Variants in EIF3H observed in about 807,000 individuals in gnomAD.
EIF3H encodes eukaryotic translation initiation factor 3 subunit H.
EIF3H carries 26 observed loss-of-function variants against 44.2 expected under a neutral mutation model. The observed-to-expected ratio is 0.59, with a 90% CI of 0.43 to 0.82. EIF3H has a LOEUF of 0.82. Among genes scored for constraint, EIF3H ranks in the 40% least tolerant of loss-of-function variants. EIF3H has a pLI of 0.00. For synonymous variants in EIF3H, 166 were observed against 151.9 expected (o/e 1.09, Z -0.68); for missense variants, 359 against 432.8 (o/e 0.83, Z 1.51).
intron 2 of EIF3H, among the ~76,000 whole-genome samples, chr8:116,671,706 T>A (rs1044201278): frequency 6.6e-6 from 1 of 152,224 alleles, no homozygotes; most frequent in East Asian, 1.9e-4. Flanking sequence ...GTCAGCATTC[T>A]AGGGTCTACT....
intron 2 of EIF3H, among the ~76,000 whole-genome samples, chr8:116,675,111 C>A (rs151270049): frequency 1.3e-5 from 1 of 78,982 alleles, no homozygotes; most frequent in East Asian, 6.3e-4. Flanking sequence ...ATAAAAAAAT[C>A]TCTTTGTATT....
At chr8:116,715,889 T>C (rs1814652399) in intron 2 of EIF3H, among the ~76,000 whole-genome samples, 1 of 113,240 alleles carries the variant, frequency 8.8e-6, no homozygotes, top group Admixed American at 8.2e-5. Context: ...TATGAGTTTT[T>C]CTACTCTTTT....
chr8:116,728,677 C>A (rs1210974850), intron 1 of EIF3H, among the ~76,000 whole-genome samples: 1 of 152,062 alleles, frequency 6.6e-6, no homozygotes, highest in Non-Finnish European at 1.5e-5. Flanking sequence ...AGTGCACAAC[C>A]TACACATTCC....
At chr8:116,700,030 T>TGA (rs1814345864) in intron 2 of EIF3H, among the ~76,000 whole-genome samples, 1 of 152,218 alleles carries the variant, frequency 6.6e-6, no homozygotes, top group Admixed American at 6.5e-5. Context: ...GGTCTCAAAC[T>TGA]CCAGGCCTCA....
chr8:116,715,251 A>G (rs372404210), intron 2 of EIF3H, among the ~76,000 whole-genome samples: 2 of 152,092 alleles, frequency 1.3e-5, no homozygotes, highest in South Asian at 4.1e-4. Context: ...ATATGTTAAC[A>G]GTCGACACTA....
At chr8:116,742,760 A>C (rs973954728) in intron 1 of EIF3H, among the ~76,000 whole-genome samples, 5 of 152,218 alleles carry the variant, frequency 3.3e-5, no homozygotes, top group Non-Finnish European at 7.3e-5. Flanking sequence ...TAAAGCAACT[A>C]TGATTGCCTC....
chr8:116,649,449 TAC>T (rs912222717), intron 5 of EIF3H, among the ~76,000 whole-genome samples: 31 of 152,300 alleles, frequency 2.0e-4, no homozygotes, highest in Admixed American at 1.2e-3. Context: ...GAATCTGTAG[TAC>T]AGTCTTTCAT....
intron 1 of EIF3H, among the ~76,000 whole-genome samples, chr8:116,744,225 A>AC (rs546631401): frequency 1.7e-4 from 26 of 151,724 alleles, no homozygotes; most frequent in Non-Finnish European, 2.5e-4. Context: ...AAAAAAAAAA[A>AC]AAACAAACAG....
chr8:116,688,218 T>G (rs1814110907), intron 2 of EIF3H, among the ~76,000 whole-genome samples: 1 of 152,120 alleles, frequency 6.6e-6, no homozygotes, highest in Admixed American at 6.5e-5. Flanking sequence ...GCAATATGCT[T>G]GAAACACAGA....
At chr8:116,667,464 C>CA (rs36085143) in intron 2 of EIF3H, among the ~76,000 whole-genome samples, 103,940 of 138,636 alleles carry the variant, frequency 0.75, 38,762 homozygotes, top group Middle Eastern at 0.81. Flanking sequence ...TACAACTTCA[C>CA]AAAAAAAAAA....
At chr8:116,744,604 T>C (rs1048987976) in intron 1 of EIF3H, among the ~76,000 whole-genome samples, 2 of 152,236 alleles carry the variant, frequency 1.3e-5, no homozygotes, top group Non-Finnish European at 2.9e-5. Context: ...CTTTACTGCA[T>C]ATAGCCATTT....
At chr8:116,697,685 G>A (rs1814292561) in intron 2 of EIF3H, among the ~76,000 whole-genome samples, 1 of 152,134 alleles carries the variant, frequency 6.6e-6, no homozygotes, top group Non-Finnish European at 1.5e-5. Context: ...TCTTCCCTGA[G>A]GGCCTAAACT....
intron 2 of EIF3H, among the ~76,000 whole-genome samples, chr8:116,722,204 T>G (rs997296649): frequency 3.3e-5 from 5 of 152,130 alleles, no homozygotes; most frequent in Admixed American, 2.6e-4. Flanking sequence ...CCTCACGAGA[T>G]CTGATGATTT....
At position 116,743,800 on chromosome 8, in the gene EIF3H, AC is replaced by A. The variant is rs1279185773; in HGVS notation, c.132+11865del. Among the ~76,000 whole-genome samples the A allele has an allele frequency of 4.8e-3, 205 of 42,734 alleles. 3 individuals carry two copies. In the South Asian group the frequency reaches 0.088, roughly 18 times the overall value. 28.0% of individuals were successfully genotyped at this position (42,734 alleles called of 152,430 possible). ...TATATATATATATATATATATATAA[AC>A]ACACACACACACACACACACACACA... On this transcript the variant is annotated intron_variant, in intron 1 of 7. Coordinates refer to ENST00000521861, the MANE Select transcript of EIF3H (RefSeq NM_003756.3).
intron 1 of EIF3H, among the ~76,000 whole-genome samples, chr8:116,763,320 G>A (rs978250164): frequency 1.3e-5 from 2 of 152,112 alleles, no homozygotes; most frequent in African/African-American, 4.8e-5. Context: ...ATGTAAATAT[G>A]GAAACATTGC....
At chr8:116,724,358 C>G (rs1814798685) in intron 2 of EIF3H, among the ~76,000 whole-genome samples, 1 of 152,004 alleles carries the variant, frequency 6.6e-6, no homozygotes, top group Non-Finnish European at 1.5e-5. Flanking sequence ...TACCAAAAAA[C>G]AGAGGAAAAA....
At chr8:116,669,905 C>G (rs1171065733) in intron 2 of EIF3H, among the ~76,000 whole-genome samples, 1 of 152,154 alleles carries the variant, frequency 6.6e-6, no homozygotes, top group Non-Finnish European at 1.5e-5. Context: ...TCTTTCCCTA[C>G]ACACTCTGCT....
chr8:116,673,026 A>C (rs6469658), intron 2 of EIF3H, among the ~76,000 whole-genome samples: 124,531 of 146,326 alleles, frequency 0.85, 53,202 homozygotes, highest in Non-Finnish European at 0.89. Flanking sequence ...AAAAAAAAAC[A>C]CCACAAAAAA....
chr8:116,704,254 A>C (rs183646731), intron 2 of EIF3H, among the ~76,000 whole-genome samples: 124 of 152,350 alleles, frequency 8.1e-4, no homozygotes, highest in African/African-American at 2.5e-3. Flanking sequence ...GTAAAATGGG[A>C]ACAGTAACAG....
Sources: gnomAD v4.1 joint callset for allele counts (sites outside exome capture counted in the v4.1 genomes callset) on GRCh38, gnomAD v4.1.1 for gene constraint, MANE v1.5 for transcripts, NCBI Gene and HGNC (gene_info 2026-07-23, HGNC 2026-07-21) for gene names.